The following IGSF11 variants were observed in gnomAD, a reference collection of about 807,000 sequenced individuals.
The protein encoded by IGSF11 is immunoglobulin superfamily member 11.
IGSF11 carries 22 observed loss-of-function variants against 41.0 expected under a neutral mutation model. The ratio of observed to expected loss-of-function variants is 0.54; its 90% CI spans 0.38 to 0.77. The LOEUF (loss-of-function observed/expected upper bound fraction) is 0.77. IGSF11 is among the 30% of genes least tolerant of loss of function. The pLI is 0.00. For missense variants in IGSF11, 444 were observed against 530.8 expected, an observed-to-expected ratio of 0.84 and a Z score of 1.61; for synonymous variants, 219 against 201.3, an observed-to-expected ratio of 1.09 and a Z score of -0.74.
At position 119,006,169 on chromosome 3, in the gene IGSF11, A is replaced by T. The variant is rs1311796814; in HGVS notation, c.52+28362T>A. 2.4e-5 allele frequency among the ~76,000 whole-genome samples: 3 copies of T among 125,100 alleles called. 1 individual carries two copies. The highest frequency in any genetic ancestry group is 3.9e-5 in the African/African-American group (1 of 25,862). The allele number at this position is 125,100 out of a possible 152,430, so 82.1% of individuals were successfully genotyped here. On this transcript the variant is annotated intron_variant, in intron 1 of 6. Transcript: ENST00000393775. The stretch of plus-strand genomic sequence containing the variant: ...TTGGAGGCTTTGCTCGTTTCTTTTT[A>T]TTCTTTTTTCTCTAAACTTCCCTTC...
chr3:118,928,287 A>G (rs1015463824), intron 3 of IGSF11, among the ~76,000 whole-genome samples: 1 of 152,240 alleles, frequency 6.6e-6, no homozygotes, highest in South Asian at 2.1e-4. Flanking sequence ...CCTTCAGAAG[A>G]AAGTCATTAA....
At chr3:119,090,949 A>G (rs28871038) in intron 1 of IGSF11, among the ~76,000 whole-genome samples, 25,575 of 152,160 alleles carry the variant, frequency 0.17, 2,631 homozygotes, top group Non-Finnish European at 0.24. Context: ...AATGGGAGAA[A>G]ATATTTGCAA....
At chr3:119,040,457 T>A (rs952909479) in intron 1 of IGSF11, among the ~76,000 whole-genome samples, 5 of 151,996 alleles carry the variant, frequency 3.3e-5, no homozygotes. Context: ...CTATTGCAAT[T>A]CCCCTGTCTT....
At chr3:119,137,598 A>G (rs1240724926) in intron 1 of IGSF11, among the ~76,000 whole-genome samples, 1 of 152,186 alleles carries the variant, frequency 6.6e-6, no homozygotes, top group African/African-American at 2.4e-5. Context: ...TAAGACTACA[A>G]ACTATGAAAC....
chr3:119,121,968 T>C (rs1204250395), intron 1 of IGSF11, among the ~76,000 whole-genome samples: 1 of 152,192 alleles, frequency 6.6e-6, no homozygotes, highest in Admixed American at 6.5e-5. Flanking sequence ...GAATCTCTCA[T>C]TTAAAAATGA....
At chr3:119,010,022 A>C (rs1350667592) in intron 1 of IGSF11, among the ~76,000 whole-genome samples, 1 of 152,242 alleles carries the variant, frequency 6.6e-6, no homozygotes, top group Non-Finnish European at 1.5e-5. Flanking sequence ...AATGAGTAGA[A>C]GCATAATAAA....
intron 4 of IGSF11, among the ~76,000 whole-genome samples, chr3:118,913,188 A>G (rs1166795123): frequency 6.6e-6 from 1 of 152,162 alleles, no homozygotes; most frequent in Admixed American, 6.5e-5. Flanking sequence ...TTAAAAAAAC[A>G]TGGTTTACAG....
At chr3:118,946,585 G>A (rs1000031433) in intron 1 of IGSF11, among the ~76,000 whole-genome samples, 1 of 152,180 alleles carries the variant, frequency 6.6e-6, no homozygotes, top group African/African-American at 2.4e-5. Flanking sequence ...TAGTAGTCAT[G>A]TTATAGGATT....
intron 1 of IGSF11, among the ~76,000 whole-genome samples, chr3:118,973,512 G>C (rs1184035175): frequency 6.6e-6 from 1 of 152,138 alleles, no homozygotes; most frequent in African/African-American, 2.4e-5. Flanking sequence ...CCAAAGGCCT[G>C]GTGCCACAGC....
intron 1 of IGSF11, among the ~76,000 whole-genome samples, chr3:119,033,938 T>C (rs1365740868): frequency 6.6e-6 from 1 of 152,220 alleles, no homozygotes; most frequent in East Asian, 1.9e-4. Flanking sequence ...GTTCTAATAT[T>C]GTTATATTCT....
At position 118,908,065 on chromosome 3, in the gene IGSF11, G is replaced by A. The variant is rs569211060; in HGVS notation, c.581-2347C>T. On this transcript the variant is annotated intron_variant, in intron 4 of 6. Coordinates refer to ENST00000393775, the MANE Select transcript of IGSF11 (RefSeq NM_001015887.3). Reference sequence around the variant, plus strand: ...TGTTGTTGTTGGTAGTGGTGGTGGTGGGTTTTCCCCTAAGCTCTGGAATTC... The same window carrying A: ...TGTTGTTGTTGGTAGTGGTGGTGGTAGGTTTTCCCCTAAGCTCTGGAATTC... Among the ~76,000 whole-genome samples the A allele has an allele frequency of 6.6e-5, 10 of 152,204 alleles. 1 individual carries two copies. In the East Asian group the frequency reaches 1.4e-3, roughly 21 times the overall value.
Position 118,937,531 on chromosome 3 carries a change from C to T in IGSF11, c.53-7256G>A, listed in dbSNP as rs563859097. Among the ~76,000 whole-genome samples the T allele has an allele frequency of 1.9e-4, 29 of 152,098 alleles. 1 individual carries two copies. The South Asian group carries it at 5.0e-3, about 26-fold the overall frequency. ...AACTAAAAAAAAAAGTTTGTGTTAG[C>T]TGAAATTCAATTATATTTTGGCCAT... On this transcript the variant is annotated intron_variant, in intron 1 of 6. Coordinates refer to ENST00000393775, the MANE Select transcript of IGSF11 (RefSeq NM_001015887.3).
chr3:119,071,564 C>G (rs572787576), intron 1 of IGSF11, among the ~76,000 whole-genome samples: 6 of 152,220 alleles, frequency 3.9e-5, no homozygotes, highest in South Asian at 4.2e-4. Flanking sequence ...GTCCAAGCAC[C>G]ATTTGTTGAA....
chr3:118,944,504 ACACG>A (rs963829552), intron 1 of IGSF11, among the ~76,000 whole-genome samples: 2 of 129,164 alleles, frequency 1.5e-5, no homozygotes, highest in Admixed American at 8.0e-5. Flanking sequence ...ACACACACAC[ACACG>A]ATCCCTCTCA....
At chr3:119,047,519 G>C (rs867137954) in intron 1 of IGSF11, among the ~76,000 whole-genome samples, 10 of 152,152 alleles carry the variant, frequency 6.6e-5, no homozygotes, top group African/African-American at 2.4e-4. Context: ...GACCTACAAA[G>C]AGACTTAGAC....
At chr3:119,097,943 AC>A (rs2076880092) in intron 1 of IGSF11, among the ~76,000 whole-genome samples, 1 of 115,354 alleles carries the variant, frequency 8.7e-6, no homozygotes, top group Non-Finnish European at 2.0e-5. Context: ...GGCACATGCC[AC>A]CACATTCAGC....
At chr3:119,122,237 C>T (rs903816488) in intron 1 of IGSF11, among the ~76,000 whole-genome samples, 11 of 152,194 alleles carry the variant, frequency 7.2e-5, no homozygotes, top group Non-Finnish European at 1.3e-4. Context: ...AATCTGTGCA[C>T]TTGGGTAGAG....
intron 4 of IGSF11, among the ~76,000 whole-genome samples, chr3:118,910,335 C>T (rs577320443): frequency 6.6e-6 from 1 of 152,270 alleles, no homozygotes; most frequent in African/African-American, 2.4e-5. Flanking sequence ...TGATTCAGTG[C>T]CCCACAACAG....
At chr3:119,046,099 A>G (rs1042272568) in intron 1 of IGSF11, among the ~76,000 whole-genome samples, 1 of 151,640 alleles carries the variant, frequency 6.6e-6, no homozygotes, top group Non-Finnish European at 1.5e-5. Context: ...CTCCACCTCC[A>G]AAGGAACGCA....
Sources: allele counts gnomAD v4.1 joint callset (sites outside exome capture counted in the v4.1 genomes callset), GRCh38; gene constraint gnomAD v4.1.1; transcripts MANE v1.5; gene names NCBI Gene and HGNC (gene_info 2026-07-23, HGNC 2026-07-21).